SGCD: variants seen among roughly 807,000 people sequenced by gnomAD.
SGCD encodes delta-sarcoglycan.
In SGCD, 18 loss-of-function variants were observed where a neutral mutation model predicts 36.6. The observed-to-expected ratio is 0.49, with a 90% CI of 0.34 to 0.73. The LOEUF is 0.73. SGCD is among the 30% of genes least tolerant of loss of function. SGCD has a pLI of 0.01. For missense variants in SGCD, 387 were observed against 346.7 expected, an observed-to-expected ratio of 1.12 and a Z score of -0.92; for synonymous variants, 133 against 130.6, an observed-to-expected ratio of 1.02 and a Z score of -0.12.
At chr5:156,701,731 G>A (rs930146668) in intron 7 of SGCD, among the ~76,000 whole-genome samples, 1 of 152,140 alleles carries the variant, frequency 6.6e-6, no homozygotes, top group Non-Finnish European at 1.5e-5. Context: ...TTGATAATAT[G>A]CGCAGACCTC....
At position 156,406,009 on chromosome 5, in the gene SGCD, A is replaced by G. The variant is rs1330902861; in HGVS notation, c.192+61332A>G. On this transcript the variant is annotated intron_variant, in intron 3 of 8. Coordinates refer to ENST00000337851, the MANE Select transcript of SGCD (RefSeq NM_000337.6). ...GATATCACCTGCTGTATTTGGCCCT[A>G]TCTTTGCTTAAAAAAAAAAAAAAAA... Among the ~76,000 whole-genome samples, 24 of 106,648 alleles carry G rather than the reference A, an allele frequency of 2.3e-4. No homozygotes were observed. In the Admixed American group the frequency reaches 2.3e-3, roughly 10 times the overall value. The allele number at this position is 106,648 out of a possible 152,430, so 70.0% of individuals were successfully genotyped here.
At chr5:156,123,219 A>G (rs922128128) in intron 2 of SGCD, among the ~76,000 whole-genome samples, 6 of 152,128 alleles carry the variant, frequency 3.9e-5, no homozygotes, top group African/African-American at 1.4e-4. Context: ...CAAATCTCAG[A>G]GTTGTCAGAG....
intron 3 of SGCD, among the ~76,000 whole-genome samples, chr5:156,238,571 T>A (rs1382068597): frequency 6.6e-6 from 1 of 152,164 alleles, no homozygotes; most frequent in Non-Finnish European, 1.5e-5. Flanking sequence ...GGCTACTGAG[T>A]GCTCGAAATG....
intron 1 of SGCD, among the ~76,000 whole-genome samples, chr5:156,074,800 T>C (rs1247654115): frequency 1.3e-5 from 2 of 152,252 alleles, no homozygotes; most frequent in Non-Finnish European, 2.9e-5. Context: ...ATAGCATTCA[T>C]GTTTTTGCAG....
chr5:156,468,155 C>G (rs1237076209), intron 3 of SGCD, among the ~76,000 whole-genome samples: 1 of 151,856 alleles, frequency 6.6e-6, no homozygotes, highest in African/African-American at 2.4e-5. Flanking sequence ...TTGAGAGAAG[C>G]CTGGGCAACA....
At chr5:156,086,325 T>C (rs1761090145) in intron 1 of SGCD, among the ~76,000 whole-genome samples, 1 of 152,252 alleles carries the variant, frequency 6.6e-6, no homozygotes, top group Non-Finnish European at 1.5e-5. Flanking sequence ...ACCCAGGTTC[T>C]ACTGTTCACC....
chr5:156,003,385 A>C (rs1758699761), intron 1 of SGCD, among the ~76,000 whole-genome samples: 1 of 152,228 alleles, frequency 6.6e-6, no homozygotes, highest in South Asian at 2.1e-4. Context: ...GGAAGTGTGA[A>C]CAATGGTTTA....
chr5:155,954,383 C>T (rs377364085), intron 1 of SGCD, among the ~76,000 whole-genome samples: 1 of 152,182 alleles, frequency 6.6e-6, no homozygotes, highest in Non-Finnish European at 1.5e-5. Context: ...CACATACACA[C>T]GGAGTGTGCA....
chr5:155,882,238 A>AG (rs1314630700), intron 1 of SGCD, among the ~76,000 whole-genome samples: 6 of 151,486 alleles, frequency 4.0e-5, no homozygotes, highest in African/African-American at 1.2e-4. Context: ...TCTACACCTG[A>AG]CTTTTTTTTA....
At chr5:155,822,336 G>C in the SGCD span, among the ~76,000 whole-genome samples, 8,181 of 152,236 alleles carry the variant, frequency 0.054, 503 homozygotes, top group African/African-American at 0.15. Context: ...TCAGCTGCAC[G>C]GTAGGGTACA....
the SGCD span, among the ~76,000 whole-genome samples, chr5:155,817,661 T>C: frequency 0.47 from 71,044 of 151,846 alleles, 16,955 homozygotes; most frequent in Admixed American, 0.64. Context: ...GAGATTTATG[T>C]AGGACCAATG....
the SGCD span, among the ~76,000 whole-genome samples, chr5:155,856,681 T>C: frequency 6.6e-6 from 1 of 151,954 alleles, no homozygotes; most frequent in African/African-American, 2.4e-5. Context: ...ATTTAAAAAA[T>C]GGGCAAAAGA....
At chr5:156,187,857 A>G (rs1211995634) in intron 3 of SGCD, among the ~76,000 whole-genome samples, 1 of 152,178 alleles carries the variant, frequency 6.6e-6, no homozygotes, top group Non-Finnish European at 1.5e-5. Flanking sequence ...TCTGTGTAAG[A>G]CTGACAAAGA....
At chr5:156,088,928 C>T (rs1035930880) in intron 1 of SGCD, among the ~76,000 whole-genome samples, 3 of 152,112 alleles carry the variant, frequency 2.0e-5, no homozygotes, top group East Asian at 3.9e-4. Flanking sequence ...GACAGGTTGA[C>T]TGATGAATGA....
the SGCD span, among the ~76,000 whole-genome samples, chr5:155,758,484 G>T: frequency 2.0e-5 from 3 of 152,180 alleles, no homozygotes; most frequent in Non-Finnish European, 2.9e-5. Context: ...ATTTCATGTG[G>T]CCTGGCCCAG....
chr5:156,377,578 G>A (rs10062636), intron 3 of SGCD, among the ~76,000 whole-genome samples: 1 of 152,070 alleles, frequency 6.6e-6, no homozygotes, highest in African/African-American at 2.4e-5. Context: ...TGCACGACAG[G>A]CTTTCAGTAG....
At chr5:156,334,574 G>A (rs1268585443) in intron 2 of SGCD, among the ~76,000 whole-genome samples, 1 of 135,266 alleles carries the variant, frequency 7.4e-6, no homozygotes, top group East Asian at 2.1e-4. Context: ...TGAGCCTGCT[G>A]TATTCCCCAG....
chr5:155,950,368 A>G (rs1213638002), intron 1 of SGCD, among the ~76,000 whole-genome samples: 1 of 152,098 alleles, frequency 6.6e-6, no homozygotes, highest in African/African-American at 2.4e-5. Context: ...ACAATAATTG[A>G]ACTGTCTTAG....
chr5:156,553,762 C>G (rs914395624), intron 4 of SGCD, among the ~76,000 whole-genome samples: 3 of 152,008 alleles, frequency 2.0e-5, no homozygotes, highest in Non-Finnish European at 4.4e-5. Flanking sequence ...CTTCAAGGTT[C>G]ATTCATATTG....
Sources: gnomAD v4.1 joint callset for allele counts (sites outside exome capture counted in the v4.1 genomes callset) on GRCh38, gnomAD v4.1.1 for gene constraint, MANE v1.5 for transcripts, NCBI Gene and HGNC (gene_info 2026-07-23, HGNC 2026-07-21) for gene names.